INSR: variants seen among roughly 807,000 people sequenced by gnomAD.
The protein encoded by INSR is insulin receptor, also known as IR.
In INSR, 67 loss-of-function variants were observed where a neutral mutation model predicts 142.6. The observed-to-expected ratio is 0.47, with a 90% CI of 0.39 to 0.58. INSR has a LOEUF of 0.58. INSR is among the 20% of genes least tolerant of loss of function. The pLI, the probability that INSR is intolerant of heterozygous loss-of-function variation, is 0.00. For synonymous variants in INSR, 756 were observed against 743.1 expected (o/e 1.02, Z -0.28); for missense variants, 1,248 against 1,833.2 (o/e 0.68, Z 5.83).
intron 11 of INSR, among the ~76,000 whole-genome samples, chr19:7,148,074 C>T (rs1319661296): frequency 1.3e-5 from 2 of 151,796 alleles, no homozygotes; most frequent in African/African-American, 2.4e-5. Context: ...TCATCATGCC[C>T]GGCTAATTTT....
rs912090717 is a variant in INSR, at chr19:7,125,817, T to A, written c.3014-290A>T. Among the ~76,000 whole-genome samples the A allele has an allele frequency of 6.6e-6, 1 of 152,118 alleles. No individual in the cohort carries two copies. The highest frequency in any genetic ancestry group is 2.1e-4 in the South Asian group (1 of 4,824). On this transcript the variant is annotated intron_variant, in intron 16 of 21. Transcript: ENST00000302850. This position sits in a 1 kb window ranked among gnomAD's most constrained non-coding sequence, Gnocchi z 4.9. ...ATCCTTCTTGTCTGATTTCAGACCC[T>A]TGCTATGGAATGATGCTACTTCCCA...
chr19:7,278,297 T>C (rs976361980), intron 1 of INSR, among the ~76,000 whole-genome samples: 1 of 152,030 alleles, frequency 6.6e-6, no homozygotes, highest in African/African-American at 2.4e-5. Flanking sequence ...AAACTTATCA[T>C]GTCATTAGTC....
At chr19:7,236,883 C>T (rs1402705370) in intron 2 of INSR, among the ~76,000 whole-genome samples, 2 of 151,770 alleles carry the variant, frequency 1.3e-5, no homozygotes, top group African/African-American at 2.4e-5. Flanking sequence ...AAAAATTAGC[C>T]AGGCATGGTG....
chr19:7,262,752 G>A (rs1977102944), intron 2 of INSR, among the ~76,000 whole-genome samples: 1 of 152,170 alleles, frequency 6.6e-6, no homozygotes, highest in African/African-American at 2.4e-5. Context: ...GGCACAAAAG[G>A]ATAAATCCCG....
rs111825279 is a variant in INSR, at chr19:7,202,987, G to GTTTTTTTT, written c.653-18351_653-18350insAAAAAAAA. On this transcript the variant is annotated intron_variant, in intron 2 of 21. Transcript: ENST00000302850. ...TTTGGAATGTATTGGTTTGGGGTGG[G>GTTTTTTTT]GTTTTGTTGTTTTTTTTTTTTTTTT... Among the ~76,000 whole-genome samples, 233 of 143,844 alleles carry GTTTTTTTT rather than the reference G, an allele frequency of 1.6e-3. 3 individuals are homozygous for GTTTTTTTT. The highest frequency in any genetic ancestry group is 3.6e-4 in the Non-Finnish European group (24 of 66,320). The allele number at this position is 143,844 out of a possible 152,430, so 94.4% of individuals were successfully genotyped here.
chr19:7,124,541 GAAAAAAAAAAAAAA>G (rs531613079), intron 17 of INSR, among the ~76,000 whole-genome samples: 2 of 9,924 alleles, frequency 2.0e-4, no homozygotes, highest in African/African-American at 8.4e-4. Flanking sequence ...TCCGTTTCAG[GAAAAAAAAAAAAAA>G]AAAAAAAAAA....
chr19:7,283,692 G>A (rs986543504), intron 1 of INSR, among the ~76,000 whole-genome samples: 2 of 151,962 alleles, frequency 1.3e-5, no homozygotes, highest in Admixed American at 6.6e-5. Flanking sequence ...CACCTGCCTC[G>A]GCCTCCCAAA....
Position 7,116,904 on chromosome 19 carries a change from T to A in INSR, c.*152A>T. On this transcript the variant is annotated 3_prime_UTR_variant, in exon 22 of 22. Transcript: ENST00000302850. ...CTAGTTAAATTGGTAACCAAACGAG[T>A]CCACCTTAAGATGAACAGAAATGTA... The A allele has an allele frequency of 8.5e-6, 6 of 702,570 alleles. No individual in the cohort carries two copies. The highest frequency in any genetic ancestry group is 4.9e-5 in the South Asian group (3 of 61,236). The allele number at this position is 702,570 out of a possible 1,614,324, so 43.5% of individuals were successfully genotyped here. A position where few individuals can be genotyped will look rare whatever the true frequency, so the allele number is the denominator to read the frequency against.
intron 9 of INSR, among the ~76,000 whole-genome samples, chr19:7,158,410 A>G (rs550710633): frequency 2.4e-4 from 36 of 152,304 alleles, no homozygotes; most frequent in African/African-American, 7.7e-4. Context: ...CTGACGCAGG[A>G]GAATGGCGTG....
At chr19:7,158,628 G>A (rs1281747619) in intron 9 of INSR, among the ~76,000 whole-genome samples, 1 of 152,182 alleles carries the variant, frequency 6.6e-6, no homozygotes, top group Non-Finnish European at 1.5e-5. Context: ...AGTGTTTCAT[G>A]GGGACAGAGT....
intron 9 of INSR, among the ~76,000 whole-genome samples, chr19:7,153,481 ACACGCAC>A (rs1218457652): frequency 3.8e-5 from 5 of 132,718 alleles, no homozygotes; most frequent in African/African-American, 8.7e-5. Flanking sequence ...CACACACCAC[ACACGCAC>A]CACACACACA....
chr19:7,135,058 G>C (rs1268562989), intron 13 of INSR, among the ~76,000 whole-genome samples: 4 of 148,148 alleles, frequency 2.7e-5, no homozygotes, highest in South Asian at 2.2e-4. Context: ...CATTTAGGAG[G>C]GGGGTGGAGA....
At chr19:7,185,957 G>T (rs1974421042) in intron 2 of INSR, among the ~76,000 whole-genome samples, 1 of 150,902 alleles carries the variant, frequency 6.6e-6, no homozygotes, top group Non-Finnish European at 1.5e-5. Flanking sequence ...CACTTTGGGA[G>T]GCCAAGGTGG....
chr19:7,227,997 TA>T (rs1480073122), intron 2 of INSR, among the ~76,000 whole-genome samples: 1 of 145,400 alleles, frequency 6.9e-6, no homozygotes, highest in Non-Finnish European at 1.5e-5. Flanking sequence ...GGAGGGGAGG[TA>T]AATCAGACTG....
chr19:7,245,746 G>A (rs558848394), intron 2 of INSR, among the ~76,000 whole-genome samples: 47 of 151,970 alleles, frequency 3.1e-4, no homozygotes, highest in Non-Finnish European at 5.9e-4. Flanking sequence ...ACGCCCAGCC[G>A]AGCCCCACTT....
At chr19:7,226,901 T>G (rs1975805514) in intron 2 of INSR, among the ~76,000 whole-genome samples, 1 of 152,192 alleles carries the variant, frequency 6.6e-6, no homozygotes, top group Non-Finnish European at 1.5e-5. Flanking sequence ...ATTTTGCTAC[T>G]CTTGAGCAAG....
Position 7,128,005 on chromosome 19 carries a change from G to C in INSR, c.2945+847C>G, listed in dbSNP as rs535734258. ...GATCCGCCCGCCTCGGCCTCCCAAA[G>C]TGTTGGGATTACAGGTGTGAGCCAC... On this transcript the variant is annotated intron_variant, in intron 15 of 21. Transcript: ENST00000302850. 7.2e-5 allele frequency among the ~76,000 whole-genome samples: 11 copies of C among 152,096 alleles called. No individual in the cohort carries two copies. The South Asian group carries it at 2.3e-3, about 32-fold the overall frequency.
chr19:7,153,137 C>A (rs1427618178), intron 9 of INSR, among the ~76,000 whole-genome samples: 3 of 25,752 alleles, frequency 1.2e-4, no homozygotes, highest in African/African-American at 4.1e-4. Context: ...CACCACACAC[C>A]ACACACACCA....
rs779465043 is a variant in INSR at position 7,132,186 on chromosome 19, T to C, written c.2814A>G (p.Glu938=). 6.2e-7 allele frequency: 1 copy of C among 1,614,042 alleles called. No homozygotes were observed. Among genetic ancestry groups the C allele is most frequent in the Non-Finnish European group, 8.5e-7 (1 of 1,179,984 alleles). ...AGTCTGTCACGTAGAAATAGGTGGG[T>C]TCCGTCCAAGAGCCGTTGCCCGCAA... The part of the protein sequence containing the change: ...TSLAGNGSWT[E]PTYFYVTDYL... Residue 938 remains glutamate (E), a synonymous_variant, in exon 14 of 22, where the codon GAA becomes GAG. Coordinates refer to ENST00000302850, the MANE Select transcript of INSR (RefSeq NM_000208.4).
Sources: gnomAD v4.1 joint callset for allele counts (sites outside exome capture counted in the v4.1 genomes callset) on GRCh38, gnomAD v4.1.1 for gene constraint, Gnocchi (gnomAD v3.1) non-coding constraint, MANE v1.5 for transcripts, NCBI Gene and HGNC (gene_info 2026-07-23, HGNC 2026-07-21) for gene names.